DACT2: variants seen among roughly 807,000 people sequenced by gnomAD.
The protein encoded by DACT2 is dishevelled binding antagonist of beta catenin 2.
In DACT2, 20 loss-of-function variants were observed where a neutral mutation model predicts 22.2. The ratio of observed to expected loss-of-function variants is 0.90; its 90% CI spans 0.63 to 1.31. The LOEUF (loss-of-function observed/expected upper bound fraction) is 1.31. Among genes scored for constraint, DACT2 ranks in the 50% most tolerant of loss-of-function variants. The pLI is 0.00. For synonymous variants in DACT2, 463 were observed against 479.8 expected (o/e 0.96, Z 0.46); for missense variants, 1,048 against 1,061.4 (o/e 0.99, Z 0.18).
At chr6:168,300,144 G>A (rs994889791) in intron 3 of DACT2, 1 of 152,368 alleles carries the variant, frequency 6.6e-6, no homozygotes, top group South Asian at 2.1e-4. Flanking sequence ...GACTGCAGAG[G>A]CTCTATTGCC....
At chr6:168,296,670 C>A (rs1050371131) in intron 3 of DACT2, among the ~76,000 whole-genome samples, 2 of 152,236 alleles carry the variant, frequency 1.3e-5, no homozygotes, top group African/African-American at 4.8e-5. Context: ...ATCACGGGCA[C>A]CTCCAGGCAA....
At chr6:168,305,634 A>T (rs1206653751), downstream of DACT2, among the ~76,000 whole-genome samples, 1 of 152,234 alleles carries the variant, frequency 6.6e-6, no homozygotes, top group Non-Finnish European at 1.5e-5. Context: ...GCGTGGACTG[A>T]GGCTGCGCCC....
chr6:168,294,166 G>A, exon 5 of DACT2: 2 of 702,950 alleles, frequency 2.8e-6, no homozygotes, highest in South Asian at 1.5e-5. Context: ...AGCCACAGAG[G>A]CCACACTTTC....
intron 3 of DACT2, among the ~76,000 whole-genome samples, chr6:168,296,654 G>C (rs1350316649): frequency 6.6e-6 from 1 of 152,250 alleles, no homozygotes; most frequent in Admixed American, 6.5e-5. Flanking sequence ...CTACACAAGG[G>C]CAAGTATCAC....
At chr6:168,313,572 G>A (rs1180811642) in intron 1 of DACT2, among the ~76,000 whole-genome samples, 1 of 152,158 alleles carries the variant, frequency 6.6e-6, no homozygotes. Flanking sequence ...GAGGAAGCCT[G>A]GATCCAAACA....
intron 3 of DACT2, among the ~76,000 whole-genome samples, chr6:168,297,609 G>A (rs1779029883): frequency 1.3e-5 from 2 of 152,310 alleles, no homozygotes; most frequent in South Asian, 4.2e-4. Flanking sequence ...CCTCCAGAAT[G>A]GTAGGAGGAT....
In DACT2 at chr6:168,307,973, G is replaced by T. The variant is rs763264152; in HGVS notation, c.1784C>A (p.Ala595Glu). 2.6e-5 allele frequency: 41 copies of T among 1,550,956 alleles called. No homozygotes were observed. The highest frequency in any genetic ancestry group is 2.9e-5 in the Non-Finnish European group (33 of 1,146,890). The change falls in exon 4 of 4, where the codon GCG becomes GAG. Residue 595 changes from alanine to glutamate, a missense_variant. By Grantham distance (107) the Ala-to-Glu change is moderately radical. Coordinates refer to ENST00000366795, the MANE Select transcript of DACT2 (RefSeq NM_214462.5). The surrounding 1 kb of genome is among the most constrained non-coding windows in gnomAD (Gnocchi z 5.3). ...TSAQALFPFE[A>E]SLLTSVARRK... Reference sequence around the variant, plus strand: ...CCTGGCCACTGAGGTGAGCAGTGACGCCTCAAAGGGGAACAGGGCTTGGGC... The same window carrying T: ...CCTGGCCACTGAGGTGAGCAGTGACTCCTCAAAGGGGAACAGGGCTTGGGC...
In DACT2 at chr6:168,293,943, T is replaced by C. The variant is rs1269630467; in HGVS notation, c.796-2A>G. Reference sequence around the variant, plus strand: ...TGATTTTGTCTTTGAACTTGTGTTCTGTAAGTGACGTCCCCAGGGATGACA... The same window carrying C: ...TGATTTTGTCTTTGAACTTGTGTTCCGTAAGTGACGTCCCCAGGGATGACA... On this transcript the variant is annotated splice_acceptor_variant, in intron 5 of 5. Transcript: ENST00000366796. LOFTEE classifies it high-confidence loss of function. 1.4e-6 allele frequency: 1 copy of C among 703,496 alleles called. No individual in the cohort carries two copies. The highest frequency in any genetic ancestry group is 2.6e-6 in the Non-Finnish European group (1 of 385,114). The allele number at this position is 703,496 out of a possible 1,614,324, so 43.6% of individuals were successfully genotyped here. A position where few individuals can be genotyped will look rare whatever the true frequency, so the allele number is the denominator to read the frequency against.
chr6:168,309,307 C>CAGCG (rs1562496791), intron 3 of DACT2, among the ~76,000 whole-genome samples: 33 of 138,278 alleles, frequency 2.4e-4, no homozygotes, highest in African/African-American at 8.9e-4. Context: ...GTTTAAGACA[C>CAGCG]TGGGCGCGGG....
downstream of DACT2, among the ~76,000 whole-genome samples, chr6:168,303,550 G>T (rs886177285): frequency 6.6e-6 from 1 of 152,110 alleles, no homozygotes; most frequent in Admixed American, 6.5e-5. Flanking sequence ...TTCTACCGTG[G>T]GTAGAAGCAG....
chr6:168,318,266 G>A lies in DACT2; in HGVS notation c.246+1122C>T, dbSNP rs1046152753. Among the ~76,000 whole-genome samples the A allele has an allele frequency of 4.6e-5, 7 of 152,256 alleles. No individual in the cohort carries two copies. The East Asian group carries it at 1.3e-3, about 29-fold the overall frequency. On this transcript the variant is annotated intron_variant, in intron 1 of 3. Coordinates refer to ENST00000366795, the MANE Select transcript of DACT2 (RefSeq NM_214462.5). Reference sequence around the variant, plus strand: ...TACTTTCCTCTCAGGAGGCATCAGGGGCAGAGTTGGGGGCCCAGGTTAATC... The same window carrying A: ...TACTTTCCTCTCAGGAGGCATCAGGAGCAGAGTTGGGGGCCCAGGTTAATC...
At chr6:168,294,173 T>C (rs1345967306) in exon 5 of DACT2, 1 of 702,762 alleles carries the variant, frequency 1.4e-6, no homozygotes, top group African/African-American at 1.7e-5. Context: ...GAGGCCACAC[T>C]TTCCTCTCAA....
Position 168,308,637 on chromosome 6 carries a change from C to G in DACT2, c.1120G>C (p.Asp374His). The G allele has an allele frequency of 1.9e-6, 3 of 1,544,358 alleles. No individual in the cohort carries two copies. The highest frequency in any genetic ancestry group is 1.7e-4 in the Middle Eastern group (1 of 5,992). The part of the protein sequence containing the change: ...SPQRQGGWST[D>H]GGGRLLVFAP... ...AAGACCAGCAGTCGCCCTCCACCGTCTGTACTCCAGCCACCCTGCCTCTGT... is the reference window on the plus strand; with the variant it reads ...AAGACCAGCAGTCGCCCTCCACCGTGTGTACTCCAGCCACCCTGCCTCTGT... The change falls in exon 4 of 4, where the codon GAC becomes CAC. Residue 374 changes from aspartate (D) to histidine (H), a missense_variant. By Grantham distance (81) the Asp-to-His change is moderately conservative. Transcript: ENST00000366795.
downstream of DACT2, among the ~76,000 whole-genome samples, chr6:168,303,330 G>A (rs572625298): frequency 6.6e-6 from 1 of 152,306 alleles, no homozygotes; most frequent in Admixed American, 6.5e-5. Flanking sequence ...GGTGGTGTTG[G>A]GAGGTGGGTC....
At chr6:168,303,749 C>T (rs1011280987), downstream of DACT2, among the ~76,000 whole-genome samples, 22 of 151,998 alleles carry the variant, frequency 1.4e-4, no homozygotes, top group African/African-American at 1.9e-4. Context: ...CTGGGGTGCC[C>T]GCTTATATTC....
rs371932627 is a variant in DACT2 at position 168,318,987 on chromosome 6, G to A, written c.246+401C>T. On this transcript the variant is annotated intron_variant, in intron 1 of 3. Transcript: ENST00000366795. ...GGGGGACCTGGTCCCCGGGGGGGGA[G>A]TGATGCCAGGATCCCGAGCCGACCT... Among the ~76,000 whole-genome samples, 3 of 148,982 alleles carry A rather than the reference G, an allele frequency of 2.0e-5. No homozygotes were observed. In the East Asian group the frequency reaches 6.0e-4, roughly 30 times the overall value.
rs1310711946 is a variant in DACT2, at chr6:168,308,376, T to C, written c.1381A>G (p.Ile461Val). Residue 461 changes from isoleucine (I) to valine (V), a missense_variant, in exon 4 of 4, where the codon ATA becomes GTA. Ile to Val is a conservative substitution (Grantham distance 29). Transcript: ENST00000366795. ...TTGTCCAGCATCCTGGATGGGGATATGATGTTGCCTCGTCCATAGTCCTGA... is the reference window on the plus strand; with the variant it reads ...TTGTCCAGCATCCTGGATGGGGATACGATGTTGCCTCGTCCATAGTCCTGA... ...SAQDYGRGNI[I>V]SPSRMLDKSP... 1 of 1,551,828 alleles carries C rather than the reference T, an allele frequency of 6.4e-7. No individual in the cohort carries two copies. Among genetic ancestry groups the C allele is most frequent in the South Asian group, 1.2e-5 (1 of 84,060 alleles).
intron 5 of DACT2, chr6:168,293,966 A>G (rs149311162): frequency 4.5e-4 from 319 of 703,392 alleles, no homozygotes; most frequent in Admixed American, 1.6e-3. Context: ...CCCAGGGATG[A>G]CAGAGATTAC....
chr6:168,313,880 AT>A (rs887312918), intron 1 of DACT2, among the ~76,000 whole-genome samples: 1 of 152,022 alleles, frequency 6.6e-6, no homozygotes, highest in African/African-American at 2.4e-5. Flanking sequence ...CTGGTTTCTG[AT>A]TAATGGTCGA....
Sources: gnomAD v4.1 joint callset for allele counts (sites outside exome capture counted in the v4.1 genomes callset) on GRCh38, gnomAD v4.1.1 for gene constraint, Gnocchi (gnomAD v3.1) non-coding constraint, MANE v1.5 for transcripts, NCBI Gene and HGNC (gene_info 2026-07-23, HGNC 2026-07-21) for gene names.